ROCK1: variants seen among roughly 807,000 people sequenced by gnomAD.
ROCK1 encodes rho-associated protein kinase 1.
A neutral mutation model predicts 196.8 loss-of-function variants in ROCK1; 36 were observed. The ratio of observed to expected loss-of-function variants is 0.18; its 90% CI spans 0.14 to 0.24. The LOEUF is 0.24. ROCK1 is among the 10% of genes least tolerant of loss of function. The pLI is 1.00. For synonymous variants in ROCK1, 443 were observed against 515.9 expected (o/e 0.86, Z 1.91); for missense variants, 920 against 1,562.0 (o/e 0.59, Z 6.93).
chr18:20,956,301 C>T (rs1237779182), intron 29 of ROCK1, among the ~76,000 whole-genome samples: 1 of 152,056 alleles, frequency 6.6e-6, no homozygotes, highest in Non-Finnish European at 1.5e-5. Context: ...AAAATTGTCT[C>T]TAGATAATAT....
At chr18:21,081,574 C>A (rs1351090069) in intron 1 of ROCK1, among the ~76,000 whole-genome samples, 1 of 151,768 alleles carries the variant, frequency 6.6e-6, no homozygotes, top group Non-Finnish European at 1.5e-5. Context: ...CCAATGTGAC[C>A]CAAAGTAGGT....
intron 6 of ROCK1, 64 bp downstream of exon 6, chr18:21,044,038 C>G: frequency 1.0e-6 from 1 of 972,822 alleles, no homozygotes; most frequent in Non-Finnish European, 1.6e-6. Flanking sequence ...AATTCTTAAA[C>G]CATTTTCTAA....
intron 1 of ROCK1, among the ~76,000 whole-genome samples, chr18:21,088,528 A>G (rs1280269573): frequency 6.6e-6 from 1 of 152,176 alleles, no homozygotes; most frequent in Non-Finnish European, 1.5e-5. Flanking sequence ...AAAGAAAAAG[A>G]ATAATAATTT....
rs367576169 is a variant in ROCK1 at position 21,042,673 on chromosome 18, G to T, written c.712C>A (p.Pro238Thr). Residue 238 changes from proline (P) to threonine (T), a missense_variant, in exon 7 of 33, where the codon CCT becomes ACT. Pro to Thr is a conservative substitution (Grantham distance 38). Around this residue, in one of 6 missense-constraint regions of ROCK1, gnomAD observed 234 missense variants for 460.7 expected, o/e 0.51. Transcript: ENST00000399799. ...AATACTTCAGGGGAAATATAATCAG[G>T]TGTTCCAACCGCTGTATCACATCGT... ...MVRCDTAVGT[P>T]DYISPEVLKS... The T allele has an allele frequency of 6.2e-7, 1 of 1,613,590 alleles. No individual in the cohort carries two copies. The highest frequency in any genetic ancestry group is 8.5e-7 in the Non-Finnish European group (1 of 1,179,700).
At chr18:20,983,661 T>C (rs1164171463) in intron 20 of ROCK1, among the ~76,000 whole-genome samples, 1 of 152,046 alleles carries the variant, frequency 6.6e-6, no homozygotes, top group Non-Finnish European at 1.5e-5. Context: ...AGAGTATTTT[T>C]GGAGAAAAAA....
chr18:21,062,289 A>C (rs752641490), intron 2 of ROCK1, among the ~76,000 whole-genome samples: 1 of 152,140 alleles, frequency 6.6e-6, no homozygotes, highest in Non-Finnish European at 1.5e-5. Context: ...TTTTTTTAAA[A>C]AAAGTAAGAA....
chr18:21,095,050 CA>C (rs777577556), intron 1 of ROCK1, among the ~76,000 whole-genome samples: 2,658 of 53,778 alleles, frequency 0.049, 20 homozygotes, highest in Middle Eastern at 0.1. Context: ...AACTCTGTCT[CA>C]AAAAAAAAAA....
intron 2 of ROCK1, among the ~76,000 whole-genome samples, chr18:21,063,192 T>C (rs2036306624): frequency 6.6e-6 from 1 of 152,164 alleles, no homozygotes; most frequent in South Asian, 2.1e-4. Flanking sequence ...CATGACCTAA[T>C]CACTTCTTAA....
chr18:21,039,903 A>G (rs779838507), intron 8 of ROCK1, among the ~76,000 whole-genome samples: 1 of 152,160 alleles, frequency 6.6e-6, no homozygotes, highest in Admixed American at 6.5e-5. Flanking sequence ...TACTAAAAAT[A>G]TAAAACTAGC....
chr18:21,045,899 G>GTTTCTTTTT lies in ROCK1; in HGVS notation c.415-433_415-432insAAAAAGAAA, dbSNP rs746861081. Among the ~76,000 whole-genome samples the GTTTCTTTTT allele has an allele frequency of 3.4e-4, 21 of 62,496 alleles. 5 individuals carry two copies. The highest frequency in any genetic ancestry group is 1.3e-3 in the African/African-American group (19 of 14,372). The allele number at this position is 62,496 out of a possible 152,430, so 41.0% of individuals were successfully genotyped here. On this transcript the variant is annotated intron_variant, in intron 4 of 32. Coordinates refer to ENST00000399799, the MANE Select transcript of ROCK1 (RefSeq NM_005406.3). ...ATAAATTTGGCTTACAGTTTCAGCT[G>GTTTCTTTTT]TTTTTTTTTTTTTTTTTTTTTTTTT...
intron 9 of ROCK1, among the ~76,000 whole-genome samples, chr18:21,031,473 C>T (rs1293410219): frequency 4.0e-5 from 6 of 151,756 alleles, no homozygotes; most frequent in South Asian, 4.2e-4. Flanking sequence ...GGTGTGGTGG[C>T]GGGCACCTGT....
At chr18:20,971,305 T>TACACACACACACACACAC in intron 22 of ROCK1, among the ~76,000 whole-genome samples, 1 of 136,750 alleles carries the variant, frequency 7.3e-6, no homozygotes, top group Non-Finnish European at 1.6e-5. Context: ...ATAGTAAACA[T>TACACACACACACACACAC]ACACACACAC....
intron 2 of ROCK1, among the ~76,000 whole-genome samples, chr18:21,051,790 T>C (rs1367911547): frequency 2.0e-5 from 3 of 152,160 alleles, no homozygotes; most frequent in Non-Finnish European, 4.4e-5. Flanking sequence ...GGCTCTTCCA[T>C]AATACAGTCC....
chr18:21,061,280 A>G (rs2036288302), intron 2 of ROCK1, among the ~76,000 whole-genome samples: 1 of 152,088 alleles, frequency 6.6e-6, no homozygotes, highest in African/African-American at 2.4e-5. Flanking sequence ...GGGTTTTGTC[A>G]TGTTGGCCAG....
At chr18:21,053,278 C>CTT (rs529133107) in intron 2 of ROCK1, among the ~76,000 whole-genome samples, 2 of 142,470 alleles carry the variant, frequency 1.4e-5, no homozygotes, top group Non-Finnish European at 3.1e-5. Context: ...ATTGCAGCCT[C>CTT]TTTTTTTTTT....
intron 1 of ROCK1, among the ~76,000 whole-genome samples, chr18:21,079,688 G>C (rs73433120): frequency 2.0e-5 from 3 of 152,140 alleles, no homozygotes; most frequent in African/African-American, 7.2e-5. Context: ...TAGCTCTGGG[G>C]AACTACTCCC....
chr18:21,049,954 G>T, intron 2 of ROCK1, 74 bp from the exon 3 acceptor site: 1 of 683,336 alleles, frequency 1.5e-6, no homozygotes, highest in Non-Finnish European at 2.3e-6. Context: ...TTACATTCGA[G>T]TTCTTAAGAA....
At position 21,058,471 on chromosome 18, in the gene ROCK1, C is replaced by G. The variant is rs58643109; in HGVS notation, c.176-8591G>C. On this transcript the variant is annotated intron_variant, in intron 2 of 32. Transcript: ENST00000399799. ...GTACTGTTTGACCAGAATACTGCTACTCTGCCTAAAAAAGCCCAGTATACA... is the reference window on the plus strand; with the variant it reads ...GTACTGTTTGACCAGAATACTGCTAGTCTGCCTAAAAAAGCCCAGTATACA... Among the ~76,000 whole-genome samples, 619 of 152,258 alleles carry G rather than the reference C, an allele frequency of 4.1e-3. 5 individuals are homozygous for G. Among genetic ancestry groups the G allele is most frequent in the African/African-American group, 0.014 (593 of 41,548 alleles).
intron 29 of ROCK1, among the ~76,000 whole-genome samples, chr18:20,958,990 A>T (rs1466296069): frequency 1.4e-4 from 12 of 83,916 alleles, no homozygotes; most frequent in Admixed American, 2.1e-4. Flanking sequence ...TATTTTATAA[A>T]AAATAATATA....
Sources: gnomAD v4.1 joint callset for allele counts (sites outside exome capture counted in the v4.1 genomes callset) on GRCh38, gnomAD v4.1.1 for gene constraint, gnomAD v4.1.1 regional missense constraint, MANE v1.5 for transcripts, NCBI Gene and HGNC (gene_info 2026-07-23, HGNC 2026-07-21) for gene names.